The following RALYL variants were observed in gnomAD, a reference collection of about 807,000 sequenced individuals.
The protein encoded by RALYL is RALY RNA binding protein like, also known as RNA-binding Raly-like protein.
RALYL carries 29 observed loss-of-function variants against 35.1 expected under a neutral mutation model. The observed-to-expected ratio is 0.83, with a 90% CI of 0.61 to 1.13. The LOEUF (loss-of-function observed/expected upper bound fraction) is 1.13. RALYL is among the 50% of genes most tolerant of loss of function. RALYL has a pLI of 0.00. For missense variants in RALYL, 359 were observed against 360.4 expected (o/e 1.00, Z 0.03); for synonymous variants, 120 against 127.6 (o/e 0.94, Z 0.40).
chr8:84,789,270 A>G (rs1405389912), intron 3 of RALYL, among the ~76,000 whole-genome samples: 1 of 152,220 alleles, frequency 6.6e-6, no homozygotes, highest in Non-Finnish European at 1.5e-5. Flanking sequence ...AGGAAACAGA[A>G]GATGACCCAC....
intron 2 of RALYL, among the ~76,000 whole-genome samples, chr8:84,589,457 C>A (rs562778129): frequency 1.3e-5 from 2 of 152,132 alleles, no homozygotes; most frequent in Non-Finnish European, 2.9e-5. Context: ...AATTTACTAA[C>A]TTACTGTGAG....
intron 1 of RALYL, among the ~76,000 whole-genome samples, chr8:84,403,546 TTTTTTTTTA>T (rs1447867475): frequency 1.4e-5 from 2 of 142,130 alleles, no homozygotes; most frequent in East Asian, 2.0e-4. Flanking sequence ...TTTTTTTTTT[TTTTTTTTTA>T]ACCAGTACCA....
At chr8:84,916,546 C>A (rs774688977) in intron 8 of RALYL, among the ~76,000 whole-genome samples, 18 of 151,982 alleles carry the variant, frequency 1.2e-4, no homozygotes, top group Non-Finnish European at 2.1e-4. Context: ...CCTGCACAGG[C>A]TCTCTCTTTT....
At chr8:84,321,020 G>A (rs148509044) in intron 1 of RALYL, among the ~76,000 whole-genome samples, 4 of 151,938 alleles carry the variant, frequency 2.6e-5, no homozygotes, top group Non-Finnish European at 5.9e-5. Context: ...ATTTTCTAGG[G>A]AAATGTCAGG....
intron 1 of RALYL, among the ~76,000 whole-genome samples, chr8:84,445,506 C>T (rs1330407374): frequency 1.3e-5 from 2 of 151,672 alleles, no homozygotes; most frequent in Non-Finnish European, 2.9e-5. Context: ...AACTGTAGTA[C>T]GTGTTTTATT....
Position 84,360,534 on chromosome 8 carries a change from A to G in RALYL, c.-23-168765A>G, listed in dbSNP as rs116885233. ...ATATCGAAGATTAATGAATAAGGCA[A>G]TTAAGTAAGCATTCCTTCTTAATCT... On this transcript the variant is annotated intron_variant, in intron 1 of 8. Transcript: ENST00000521268. Among the ~76,000 whole-genome samples, 176 of 152,296 alleles carry G rather than the reference A, an allele frequency of 1.2e-3. 3 individuals are homozygous for G. The East Asian group carries it at 0.031, about 27-fold the overall frequency.
At chr8:84,836,144 G>C (rs1831978829) in intron 4 of RALYL, among the ~76,000 whole-genome samples, 1 of 152,148 alleles carries the variant, frequency 6.6e-6, no homozygotes, top group Non-Finnish European at 1.5e-5. Context: ...CAGAAACCCT[G>C]TGTTACTAGC....
intron 1 of RALYL, among the ~76,000 whole-genome samples, chr8:84,513,043 C>T (rs2057754588): frequency 6.6e-6 from 1 of 151,968 alleles, no homozygotes; most frequent in Non-Finnish European, 1.5e-5. Flanking sequence ...TTTTAGTATT[C>T]CATTTCTGTG....
chr8:84,621,275 C>T (rs1473156474), intron 2 of RALYL, among the ~76,000 whole-genome samples: 1 of 152,182 alleles, frequency 6.6e-6, no homozygotes, highest in Non-Finnish European at 1.5e-5. Context: ...CTCTCTGAGC[C>T]AGGTGCAGGA....
chr8:84,851,158 T>C (rs1241233660), intron 5 of RALYL, among the ~76,000 whole-genome samples: 2 of 152,180 alleles, frequency 1.3e-5, no homozygotes, highest in Non-Finnish European at 2.9e-5. Flanking sequence ...GTTTTGTCAC[T>C]GAGAGATAAG....
chr8:84,285,840 C>A (rs1837496191), intron 1 of RALYL, among the ~76,000 whole-genome samples: 1 of 152,034 alleles, frequency 6.6e-6, no homozygotes, highest in African/African-American at 2.4e-5. Context: ...GAGGACTTTG[C>A]CTTTTACTAA....
At chr8:84,279,091 G>A (rs1248356138) in intron 1 of RALYL, among the ~76,000 whole-genome samples, 1 of 152,140 alleles carries the variant, frequency 6.6e-6, no homozygotes, top group Non-Finnish European at 1.5e-5. Context: ...GAAGGCAAAG[G>A]AGAAGCAAAA....
intron 2 of RALYL, among the ~76,000 whole-genome samples, chr8:84,620,751 G>A (rs1821159285): frequency 6.6e-6 from 1 of 151,354 alleles, no homozygotes; most frequent in South Asian, 2.1e-4. Flanking sequence ...TTTGATGATG[G>A]TGATGTACAG....
chr8:84,461,700 A>G (rs2050793267), intron 1 of RALYL, among the ~76,000 whole-genome samples: 1 of 151,802 alleles, frequency 6.6e-6, no homozygotes, highest in African/African-American at 2.4e-5. Context: ...ATAATTATTT[A>G]AAAGTTGATG....
chr8:84,412,715 T>A (rs1049182759), intron 1 of RALYL, among the ~76,000 whole-genome samples: 5 of 152,024 alleles, frequency 3.3e-5, no homozygotes, highest in Admixed American at 6.6e-5. Flanking sequence ...TAGGTAGATA[T>A]TTTCTTGGCT....
intron 2 of RALYL, among the ~76,000 whole-genome samples, chr8:84,590,369 T>A (rs1002553535): frequency 6.6e-6 from 1 of 152,166 alleles, no homozygotes; most frequent in African/African-American, 2.4e-5. Context: ...CAAAGTAGAA[T>A]CAAGATTCAG....
intron 3 of RALYL, among the ~76,000 whole-genome samples, chr8:84,795,291 TAA>T (rs551400644): frequency 1.5e-3 from 228 of 152,362 alleles, no homozygotes; most frequent in African/African-American, 5.3e-3. Context: ...TCTAAAATAT[TAA>T]GACTCAATGT....
At chr8:84,818,645 T>C (rs1387046174) in intron 4 of RALYL, among the ~76,000 whole-genome samples, 1 of 152,186 alleles carries the variant, frequency 6.6e-6, no homozygotes, top group Non-Finnish European at 1.5e-5. Context: ...TTTCTGCTCA[T>C]TCTGTGGGTG....
At chr8:84,873,430 T>C (rs777307217) in intron 7 of RALYL, 33 bp downstream of exon 7, 3 of 1,311,302 alleles carry the variant, frequency 2.3e-6, no homozygotes, top group Admixed American at 3.9e-5. Flanking sequence ...CAGGTCAGAA[T>C]TGAACCAGTG....
Sources: gnomAD v4.1 joint callset for allele counts (sites outside exome capture counted in the v4.1 genomes callset) on GRCh38, gnomAD v4.1.1 for gene constraint, MANE v1.5 for transcripts, NCBI Gene and HGNC (gene_info 2026-07-23, HGNC 2026-07-21) for gene names.